Variants in FHIT observed in about 807,000 individuals in gnomAD.
FHIT encodes the protein bis(5'-adenosyl)-triphosphatase.
FHIT carries 19 observed loss-of-function variants against 17.9 expected under a neutral mutation model. The observed-to-expected ratio is 1.06, with a 90% CI of 0.74 to 1.56. FHIT has a LOEUF of 1.56. FHIT is among the 40% of genes most tolerant of loss of function. The pLI, the probability that FHIT is intolerant of heterozygous loss-of-function variation, is 0.00. For missense variants in FHIT, 248 were observed against 189.2 expected (o/e 1.31, Z -1.82); for synonymous variants, 81 against 69.7 (o/e 1.16, Z -0.81).
chr3:59,882,324 G>A (rs1371553793), intron 8 of FHIT, among the ~76,000 whole-genome samples: 1 of 152,022 alleles, frequency 6.6e-6, no homozygotes, highest in African/African-American at 2.4e-5. Flanking sequence ...TCATACTATT[G>A]AAACACCCTC....
At chr3:60,121,306 T>A (rs1213212668) in intron 5 of FHIT, among the ~76,000 whole-genome samples, 2 of 152,198 alleles carry the variant, frequency 1.3e-5, no homozygotes, top group Non-Finnish European at 2.9e-5. Context: ...TAATAATGTA[T>A]ATAACAATCC....
intron 2 of FHIT, among the ~76,000 whole-genome samples, chr3:61,083,226 G>GT (rs1462203599): frequency 6.6e-6 from 1 of 152,170 alleles, no homozygotes; most frequent in Admixed American, 6.5e-5. Context: ...GTGACTCAAA[G>GT]TTTTTTAGTA....
intron 4 of FHIT, among the ~76,000 whole-genome samples, chr3:60,729,767 A>G (rs1317097952): frequency 1.3e-5 from 2 of 151,758 alleles, no homozygotes; most frequent in Admixed American, 6.6e-5. Context: ...AAATATATAT[A>G]TATATATATT....
intron 1 of FHIT, among the ~76,000 whole-genome samples, chr3:61,209,990 GGT>G (rs1259938220): frequency 6.6e-6 from 1 of 152,132 alleles, no homozygotes. Context: ...ATGGGTTTTT[GGT>G]GTGGATGTCC....
chr3:60,125,235 C>A (rs1263528668), intron 5 of FHIT, among the ~76,000 whole-genome samples: 2 of 152,184 alleles, frequency 1.3e-5, no homozygotes, highest in Non-Finnish European at 2.9e-5. Flanking sequence ...AGCTGTACAA[C>A]TTTGGACAAG....
chr3:60,321,999 T>G (rs1709454692), intron 5 of FHIT, among the ~76,000 whole-genome samples: 1 of 152,176 alleles, frequency 6.6e-6, no homozygotes, highest in South Asian at 2.1e-4. Flanking sequence ...ACATATAACT[T>G]TTGGAAGAAC....
chr3:60,697,770 C>T (rs1381260721), intron 4 of FHIT, among the ~76,000 whole-genome samples: 2 of 152,090 alleles, frequency 1.3e-5, no homozygotes, highest in Non-Finnish European at 2.9e-5. Context: ...CATAAGTATG[C>T]TACCTAGACC....
Position 60,746,371 on chromosome 3 carries a change from C to T in FHIT, c.-18+75548G>A, listed in dbSNP as rs564983022. ...GGTGGGAAACGTAACACTGGATGAACACATTTATTTTGAAAATGAAAGGAT... is the reference window on the plus strand; with the variant it reads ...GGTGGGAAACGTAACACTGGATGAATACATTTATTTTGAAAATGAAAGGAT... On this transcript the variant is annotated intron_variant, in intron 4 of 9. Coordinates refer to ENST00000492590, the MANE Select transcript of FHIT (RefSeq NM_002012.4). 5.3e-5 allele frequency among the ~76,000 whole-genome samples: 8 copies of T among 152,254 alleles called. No homozygotes were observed. The South Asian group carries it at 1.5e-3, about 28-fold the overall frequency.
At chr3:60,599,636 A>G (rs781997995) in intron 4 of FHIT, among the ~76,000 whole-genome samples, 35 of 151,894 alleles carry the variant, frequency 2.3e-4, no homozygotes, top group African/African-American at 8.2e-4. Flanking sequence ...CAGTAAGACA[A>G]TATCACAACT....
intron 8 of FHIT, among the ~76,000 whole-genome samples, chr3:59,759,843 A>G (rs1701416127): frequency 6.6e-6 from 1 of 152,148 alleles, no homozygotes; most frequent in African/African-American, 2.4e-5. Context: ...TTGAGGCAGA[A>G]AATGGTCTTG....
chr3:60,867,172 A>G (rs1553754034), intron 3 of FHIT, among the ~76,000 whole-genome samples: 1 of 152,124 alleles, frequency 6.6e-6, no homozygotes, highest in African/African-American at 2.4e-5. Flanking sequence ...AAATAAAATC[A>G]GCAAATTTGC....
chr3:60,513,877 C>T (rs138866701), intron 5 of FHIT, among the ~76,000 whole-genome samples: 20 of 152,222 alleles, frequency 1.3e-4, no homozygotes, highest in African/African-American at 3.4e-4. Context: ...CCAAACCCCA[C>T]GCTCCATGAG....
At chr3:60,533,399 T>C (rs1011318349) in intron 5 of FHIT, among the ~76,000 whole-genome samples, 2 of 152,124 alleles carry the variant, frequency 1.3e-5, no homozygotes, top group Non-Finnish European at 2.9e-5. Context: ...AAAAAAGAGA[T>C]GTGCAAGAGC....
chr3:60,114,457 G>A lies in FHIT; in HGVS notation c.104-100305C>T, dbSNP rs148523338. ...ATTGTACACACTAATACACAGAAAT[G>A]GCCCTTAAAATAAGGAAGAACAAGA... On this transcript the variant is annotated intron_variant, in intron 5 of 9. Coordinates refer to ENST00000492590, the MANE Select transcript of FHIT (RefSeq NM_002012.4). 2.6e-3 allele frequency among the ~76,000 whole-genome samples: 354 copies of A among 137,730 alleles called. 3 individuals carry two copies. Among genetic ancestry groups the A allele is most frequent in the African/African-American group, 9.0e-3 (333 of 36,846 alleles). 90.4% of individuals were successfully genotyped at this position (137,730 alleles called of 152,430 possible).
At chr3:60,920,715 C>A (rs76399603) in intron 3 of FHIT, among the ~76,000 whole-genome samples, 6 of 151,960 alleles carry the variant, frequency 3.9e-5, no homozygotes, top group Non-Finnish European at 8.8e-5. Flanking sequence ...GCAGCTGGAG[C>A]GGTAGAACCT....
chr3:60,152,249 GGAGT>G (rs1244549176), intron 5 of FHIT, among the ~76,000 whole-genome samples: 1 of 152,148 alleles, frequency 6.6e-6, no homozygotes, highest in Non-Finnish European at 1.5e-5. Flanking sequence ...CTGTGTAATA[GGAGT>G]AAGTATCTAT....
intron 1 of FHIT, among the ~76,000 whole-genome samples, chr3:61,248,188 T>C (rs1475773272): frequency 6.6e-6 from 1 of 152,152 alleles, no homozygotes; most frequent in Admixed American, 6.5e-5. Flanking sequence ...ACAGATTCAA[T>C]GAAGAGATGT....
chr3:60,592,165 ATAT>A lies in FHIT; in HGVS notation c.-17-55189_-17-55187del, dbSNP rs1225251180. ...TGTATCAAAATTAGGTAGAATATAT[ATAT>A]TATTATATATATATTATCTCTCTAT... On this transcript the variant is annotated intron_variant, in intron 4 of 9. Transcript: ENST00000492590. Among the ~76,000 whole-genome samples, 15 of 147,972 alleles carry A rather than the reference ATAT, an allele frequency of 1.0e-4. No individual in the cohort carries two copies. The South Asian group carries it at 2.3e-3, about 23-fold the overall frequency.
chr3:60,044,213 C>T (rs1289936320), intron 5 of FHIT, among the ~76,000 whole-genome samples: 6 of 152,086 alleles, frequency 3.9e-5, no homozygotes, highest in Non-Finnish European at 7.3e-5. Flanking sequence ...AGTAGAAAGA[C>T]GTGACAGATC....
Sources: allele counts gnomAD v4.1 joint callset (sites outside exome capture counted in the v4.1 genomes callset), GRCh38; gene constraint gnomAD v4.1.1; transcripts MANE v1.5; gene names NCBI Gene and HGNC (gene_info 2026-07-23, HGNC 2026-07-21).